BMPR2: variants seen among roughly 807,000 people sequenced by gnomAD.
BMPR2 encodes the protein bone morphogenetic protein receptor type 2, also known as bone morphogenetic protein receptor type-2.
Under a neutral mutation model 100.8 loss-of-function variants are expected in BMPR2, and 29 were observed. The observed-to-expected ratio is 0.29, with a 90% confidence interval of 0.21 to 0.39. BMPR2 has a LOEUF of 0.39. Ranked by LOEUF, BMPR2 falls within the 10% of genes least tolerant of loss-of-function variation. BMPR2 has a pLI of 1.00. For missense variants in BMPR2, 1,011 were observed against 1,274.5 expected (o/e 0.79, Z 3.15); for synonymous variants, 382 against 442.3 (o/e 0.86, Z 1.71).
intron 1 of BMPR2, among the ~76,000 whole-genome samples, chr2:202,399,454 C>T (rs1047126447): frequency 1.2e-4 from 18 of 152,090 alleles, no homozygotes; most frequent in African/African-American, 4.3e-4. Context: ...AGATGCACAA[C>T]AAGGGGTTAG....
intron 7 of BMPR2, among the ~76,000 whole-genome samples, chr2:202,526,468 C>T (rs924173068): frequency 2.0e-5 from 3 of 152,128 alleles, no homozygotes; most frequent in South Asian, 2.1e-4. Context: ...ATAATTTATC[C>T]GTTCATTTAT....
intron 1 of BMPR2, among the ~76,000 whole-genome samples, chr2:202,404,595 A>G (rs962551931): frequency 2.0e-5 from 3 of 152,204 alleles, no homozygotes; most frequent in Admixed American, 1.3e-4. Context: ...AACATCAGAT[A>G]TTGGTGATAC....
At chr2:202,414,015 T>G (rs943433669) in intron 1 of BMPR2, among the ~76,000 whole-genome samples, 14 of 152,218 alleles carry the variant, frequency 9.2e-5, no homozygotes, top group African/African-American at 2.9e-4. Flanking sequence ...CAGGCATACC[T>G]TGTTTATTGT....
intron 1 of BMPR2, among the ~76,000 whole-genome samples, chr2:202,435,673 A>C (rs1186092450): frequency 6.0e-5 from 9 of 149,938 alleles, no homozygotes; most frequent in Non-Finnish European, 8.8e-5. Context: ...AGCAAGTTCT[A>C]GTCCTACAAG....
intron 1 of BMPR2, among the ~76,000 whole-genome samples, chr2:202,445,204 A>G (rs1272299702): frequency 6.7e-6 from 1 of 150,188 alleles, no homozygotes; most frequent in Non-Finnish European, 1.5e-5. Flanking sequence ...ATATGCAAAC[A>G]TTTTTATTTA....
At chr2:202,434,026 A>G (rs1691559365) in intron 1 of BMPR2, among the ~76,000 whole-genome samples, 1 of 150,768 alleles carries the variant, frequency 6.6e-6, no homozygotes, top group East Asian at 1.9e-4. Context: ...GAAGGGGACA[A>G]ATGATTAACA....
At chr2:202,541,846 T>C (rs1256584810) in intron 9 of BMPR2, among the ~76,000 whole-genome samples, 2 of 152,192 alleles carry the variant, frequency 1.3e-5, no homozygotes, top group Non-Finnish European at 2.9e-5. Context: ...GCATGGTGGC[T>C]CACGCCTGTA....
In BMPR2 at chr2:202,503,461, G is replaced by A. The variant is rs551734474; in HGVS notation, c.419-10258G>A. Among the ~76,000 whole-genome samples the A allele has an allele frequency of 9.2e-4, 140 of 152,344 alleles. 1 individual carries two copies. The highest frequency in any genetic ancestry group is 3.1e-3 in the African/African-American group (128 of 41,578). On this transcript the variant is annotated intron_variant, in intron 3 of 12. Transcript: ENST00000374580. This position sits in a 1 kb window ranked among gnomAD's most constrained non-coding sequence, Gnocchi z 4.0. The stretch of plus-strand genomic sequence containing the variant: ...AGTTCCGGTTGGGCATGGGCTTGGC[G>A]GGCCCCGCACTCGGAGCAGCCAGCC...
chr2:202,377,098 T>C lies in BMPR2; in HGVS notation c.-377T>C. The stretch of plus-strand genomic sequence containing the variant: ...CCGACCCCGGATCGAATCCCCGCCC[T>C]CCGCACCCTGGATATGTTTTCTCCC... On this transcript the variant is annotated 5_prime_UTR_variant, in exon 1 of 13. Transcript: ENST00000374580. 5.6e-6 allele frequency: 3 copies of C among 532,418 alleles called. No homozygotes were observed. The East Asian group carries it at 9.3e-5, about 17-fold the overall frequency. The allele number at this position is 532,418 out of a possible 1,614,324, so 33.0% of individuals were successfully genotyped here.
At chr2:202,483,353 T>A (rs1264336406) in intron 3 of BMPR2, among the ~76,000 whole-genome samples, 1 of 152,040 alleles carries the variant, frequency 6.6e-6, no homozygotes, top group Non-Finnish European at 1.5e-5. Flanking sequence ...TTATTTTTGT[T>A]TTTGTTTGTT....
intron 3 of BMPR2, among the ~76,000 whole-genome samples, chr2:202,506,355 G>A (rs1397280556): frequency 6.6e-6 from 1 of 151,792 alleles, no homozygotes; most frequent in African/African-American, 2.4e-5. Flanking sequence ...ACAGGGTTTC[G>A]CCATGTTGGC....
At chr2:202,559,171 A>T (rs1688636986) in intron 12 of BMPR2, among the ~76,000 whole-genome samples, 1 of 151,788 alleles carries the variant, frequency 6.6e-6, no homozygotes, top group Non-Finnish European at 1.5e-5. Context: ...TCATGGTGGC[A>T]TGCGCCTGTA....
chr2:202,466,272 T>G (rs944151772), intron 2 of BMPR2, among the ~76,000 whole-genome samples: 1 of 152,194 alleles, frequency 6.6e-6, no homozygotes, highest in African/African-American at 2.4e-5. Context: ...TCTGTGTTAC[T>G]GAATCATTTT....
Position 202,553,290 on chromosome 2 carries a change from A to G in BMPR2, c.1586+402A>G, listed in dbSNP as rs116323828. 3.0e-3 allele frequency among the ~76,000 whole-genome samples: 451 copies of G among 151,930 alleles called. 2 individuals carry two copies. Among genetic ancestry groups the G allele is most frequent in the African/African-American group, 0.011 (437 of 41,444 alleles). Reference sequence around the variant, plus strand: ...AGTAAATGGAACTATGAACTTGCCTATCTAACCACTGTTTCACTGACACTA... The same window carrying G: ...AGTAAATGGAACTATGAACTTGCCTGTCTAACCACTGTTTCACTGACACTA... On this transcript the variant is annotated intron_variant, in intron 11 of 12. Transcript: ENST00000374580.
chr2:202,452,333 T>G (rs1049528456), intron 1 of BMPR2, among the ~76,000 whole-genome samples: 1 of 152,230 alleles, frequency 6.6e-6, no homozygotes, highest in African/African-American at 2.4e-5. Context: ...TTCCTTTTAT[T>G]GCTGAGTAGT....
intron 1 of BMPR2, among the ~76,000 whole-genome samples, chr2:202,450,712 A>AG (rs1291624589): frequency 2.6e-5 from 4 of 151,222 alleles, no homozygotes; most frequent in African/African-American, 9.7e-5. Context: ...AAAAAAAAAA[A>AG]GATTTCACCA....
rs547590465 is a variant in BMPR2, at chr2:202,517,678, C to G, written c.622-1144C>G. Among the ~76,000 whole-genome samples the G allele has an allele frequency of 1.1e-3, 166 of 151,890 alleles. 1 individual carries two copies. The highest frequency in any genetic ancestry group is 3.7e-3 in the Admixed American group (57 of 15,232). On this transcript the variant is annotated intron_variant, in intron 5 of 12. Coordinates refer to ENST00000374580, the MANE Select transcript of BMPR2 (RefSeq NM_001204.7). ...GTTATTTTATCTTTAGCTGGAAACT[C>G]TCTTGTATATTCACTGGGCTTTCCT... is the stretch of plus-strand genomic sequence containing the variant.
In BMPR2 at chr2:202,567,507, A is replaced by G. The variant is rs1432036677; in HGVS notation, c.*7561A>G. 1 of 152,672 alleles carries G rather than the reference A, an allele frequency of 6.5e-6. No homozygotes were observed. The highest frequency in any genetic ancestry group is 2.4e-5 in the African/African-American group (1 of 41,464). 9.5% of individuals were successfully genotyped at this position (152,672 alleles called of 1,614,324 possible). On this transcript the variant is annotated 3_prime_UTR_variant, in exon 13 of 13. Coordinates refer to ENST00000374580, the MANE Select transcript of BMPR2 (RefSeq NM_001204.7). ...TGATGGATCAGTGTGAGTATAAAATAAAGCAAATCACTTTTCTTTTGTATT... is the reference window on the plus strand; with the variant it reads ...TGATGGATCAGTGTGAGTATAAAATGAAGCAAATCACTTTTCTTTTGTATT...
chr2:202,535,894 C>G (rs1226498420), intron 9 of BMPR2, among the ~76,000 whole-genome samples: 1 of 152,200 alleles, frequency 6.6e-6, no homozygotes, highest in Non-Finnish European at 1.5e-5. Flanking sequence ...ACCGGCCTGG[C>G]CAACACAGCG....
Sources: gnomAD v4.1 joint callset for allele counts (sites outside exome capture counted in the v4.1 genomes callset) on GRCh38, gnomAD v4.1.1 for gene constraint, Gnocchi (gnomAD v3.1) non-coding constraint, MANE v1.5 for transcripts, NCBI Gene and HGNC (gene_info 2026-07-23, HGNC 2026-07-21) for gene names.